The following TENM2 variants were observed in gnomAD, a reference collection of about 807,000 sequenced individuals.
TENM2 encodes teneurin transmembrane protein 2.
Under a neutral mutation model 245.2 loss-of-function variants are expected in TENM2, and 52 were observed. That is an observed-to-expected ratio of 0.21 (90% CI 0.17 to 0.27). TENM2 has a LOEUF of 0.27. Among genes scored for constraint, TENM2 ranks in the 10% least tolerant of loss-of-function variants. The pLI, the probability that TENM2 is intolerant of heterozygous loss-of-function variation, is 1.00. For synonymous variants in TENM2, 1,363 were observed against 1,438.9 expected, an observed-to-expected ratio of 0.95 and a Z score of 1.19; for missense variants, 3,046 against 3,666.8, an observed-to-expected ratio of 0.83 and a Z score of 4.37.
chr5:167,347,943 T>C (rs539725736), intron 1 of TENM2, among the ~76,000 whole-genome samples: 4 of 152,280 alleles, frequency 2.6e-5, no homozygotes, highest in Admixed American at 2.0e-4. Context: ...CAAAAGAATC[T>C]ACAGGGGCAA....
chr5:168,237,918 A>G (rs959939276), intron 25 of TENM2, among the ~76,000 whole-genome samples: 7 of 151,738 alleles, frequency 4.6e-5, no homozygotes, highest in African/African-American at 1.4e-4. Flanking sequence ...CAAGGCGGGC[A>G]GATCACAAGG....
chr5:167,697,711 G>C (rs1406296389), intron 2 of TENM2, among the ~76,000 whole-genome samples: 1 of 152,146 alleles, frequency 6.6e-6, no homozygotes, highest in Admixed American at 6.5e-5. Context: ...TTTTAGTAGA[G>C]ACAGGGTTTC....
intron 2 of TENM2, among the ~76,000 whole-genome samples, chr5:167,839,650 T>A (rs1769308878): frequency 6.6e-6 from 1 of 152,186 alleles, no homozygotes; most frequent in East Asian, 1.9e-4. Flanking sequence ...TATAATGACC[T>A]AATTTCTATT....
chr5:166,990,747 A>G, the TENM2 span, among the ~76,000 whole-genome samples: 1 of 152,226 alleles, frequency 6.6e-6, no homozygotes, highest in Admixed American at 6.5e-5. Flanking sequence ...ACTGTCACAA[A>G]AATTTTTTAC....
chr5:167,293,019 G>A (rs533367603), intron 1 of TENM2, among the ~76,000 whole-genome samples: 9 of 152,316 alleles, frequency 5.9e-5, no homozygotes, highest in Admixed American at 2.6e-4. Flanking sequence ...AGCTAGAGTG[G>A]CAGAGAGAGA....
At chr5:167,834,462 G>C (rs1038960825) in intron 2 of TENM2, among the ~76,000 whole-genome samples, 11 of 152,170 alleles carry the variant, frequency 7.2e-5, no homozygotes, top group African/African-American at 2.4e-4. Flanking sequence ...TTTGAAAAAT[G>C]TGCAAAATTG....
intron 3 of TENM2, among the ~76,000 whole-genome samples, chr5:167,904,849 C>A (rs1444037573): frequency 6.6e-6 from 1 of 152,166 alleles, no homozygotes; most frequent in East Asian, 1.9e-4. Flanking sequence ...ATCTCAGAAA[C>A]CCTTCAGTCT....
chr5:167,274,739 A>G, the TENM2 span, among the ~76,000 whole-genome samples: 2 of 151,940 alleles, frequency 1.3e-5, no homozygotes, highest in South Asian at 2.1e-4. Flanking sequence ...GGAATTATCT[A>G]TATTTTTCAT....
intron 1 of TENM2, among the ~76,000 whole-genome samples, chr5:167,348,898 A>G (rs1007055419): frequency 4.6e-5 from 7 of 152,130 alleles, no homozygotes; most frequent in Non-Finnish European, 8.8e-5. Context: ...AGTTTATTGC[A>G]TATTCTGTAA....
chr5:167,357,987 A>G (rs928646194), intron 1 of TENM2, among the ~76,000 whole-genome samples: 5 of 152,112 alleles, frequency 3.3e-5, no homozygotes, highest in African/African-American at 7.2e-5. Flanking sequence ...TAAAGCGTTC[A>G]CCTGTGTGCA....
intron 2 of TENM2, among the ~76,000 whole-genome samples, chr5:167,833,823 CT>C (rs1768729302): frequency 6.6e-6 from 1 of 152,208 alleles, no homozygotes; most frequent in Non-Finnish European, 1.5e-5. Flanking sequence ...TTTCCCCTTC[CT>C]TCCCAAATCT....
chr5:167,869,077 T>C (rs1168472722), intron 2 of TENM2, among the ~76,000 whole-genome samples: 2 of 152,218 alleles, frequency 1.3e-5, no homozygotes, highest in African/African-American at 4.8e-5. Flanking sequence ...AAGGGCTCAG[T>C]CTGCTGGACT....
intron 2 of TENM2, among the ~76,000 whole-genome samples, chr5:167,728,399 T>A (rs932764495): frequency 6.6e-6 from 1 of 152,018 alleles, no homozygotes; most frequent in Non-Finnish European, 1.5e-5. Context: ...GGCCAGGAAT[T>A]CGAGACTGGC....
At chr5:167,719,523 G>A (rs1759484275) in intron 2 of TENM2, among the ~76,000 whole-genome samples, 1 of 152,224 alleles carries the variant, frequency 6.6e-6, no homozygotes, top group Non-Finnish European at 1.5e-5. Context: ...AAGGTGAAGT[G>A]CATGTTTGAT....
chr5:168,108,394 A>G (rs1247955457), intron 9 of TENM2, among the ~76,000 whole-genome samples: 1 of 152,066 alleles, frequency 6.6e-6, no homozygotes, highest in Non-Finnish European at 1.5e-5. Flanking sequence ...AAATTACTTA[A>G]CCCCTCTGAG....
chr5:167,043,671 T>C, the TENM2 span, among the ~76,000 whole-genome samples: 1 of 152,112 alleles, frequency 6.6e-6, no homozygotes, highest in Admixed American at 6.6e-5. Context: ...GGGAAGACAG[T>C]GAAGGGTTTA....
rs184865533 is a variant in TENM2 at position 167,741,687 on chromosome 5, G to C, written c.503-134299G>C. 1.5e-3 allele frequency among the ~76,000 whole-genome samples: 224 copies of C among 152,296 alleles called. 2 individuals carry two copies. Among genetic ancestry groups the C allele is most frequent in the African/African-American group, 5.1e-3 (211 of 41,558 alleles). ...TTGTTACTTCTGGTTCAGCGACTCAGTCTACCTTCTCACTTGCCTTGTTAA... is the reference window on the plus strand; with the variant it reads ...TTGTTACTTCTGGTTCAGCGACTCACTCTACCTTCTCACTTGCCTTGTTAA... On this transcript the variant is annotated intron_variant, in intron 2 of 28. Transcript: ENST00000518659.
intron 2 of TENM2, among the ~76,000 whole-genome samples, chr5:167,424,512 A>G (rs897602105): frequency 1.3e-5 from 2 of 152,206 alleles, no homozygotes; most frequent in African/African-American, 4.8e-5. Flanking sequence ...ATTTAAAAGG[A>G]TAATAATTTT....
intron 3 of TENM2, among the ~76,000 whole-genome samples, chr5:167,892,279 TC>T (rs1774825651): frequency 6.6e-6 from 1 of 152,234 alleles, no homozygotes; most frequent in African/African-American, 2.4e-5. Flanking sequence ...CAAATACAGT[TC>T]CTTATAAATA....
Sources: gnomAD v4.1 joint callset for allele counts (sites outside exome capture counted in the v4.1 genomes callset) on GRCh38, gnomAD v4.1.1 for gene constraint, MANE v1.5 for transcripts, NCBI Gene and HGNC (gene_info 2026-07-23, HGNC 2026-07-21) for gene names.